OPCML: variants seen among roughly 807,000 people sequenced by gnomAD.
OPCML encodes opioid-binding protein/cell adhesion molecule.
Under a neutral mutation model 37.8 loss-of-function variants are expected in OPCML, and 13 were observed. The observed-to-expected ratio is 0.34, with a 90% confidence interval of 0.22 to 0.55. The LOEUF (loss-of-function observed/expected upper bound fraction) is 0.55. Among genes scored for constraint, OPCML ranks in the 20% least tolerant of loss-of-function variants. The pLI, the probability that OPCML is intolerant of heterozygous loss-of-function variation, is 0.91. For missense variants in OPCML, 341 were observed against 435.6 expected, an observed-to-expected ratio of 0.78 and a Z score of 1.93; for synonymous variants, 176 against 168.8, an observed-to-expected ratio of 1.04 and a Z score of -0.33.
At chr11:132,759,647 TC>T (rs1172480098) in intron 2 of OPCML, among the ~76,000 whole-genome samples, 4 of 152,088 alleles carry the variant, frequency 2.6e-5, no homozygotes, top group African/African-American at 9.7e-5. Flanking sequence ...AGTGGTGATA[TC>T]CCCTTTATCA....
At chr11:132,845,419 C>T (rs1451895125) in intron 2 of OPCML, among the ~76,000 whole-genome samples, 1 of 152,176 alleles carries the variant, frequency 6.6e-6, no homozygotes, top group Non-Finnish European at 1.5e-5. Context: ...AACTCAAATA[C>T]TCTTTAAAAA....
intron 1 of OPCML, among the ~76,000 whole-genome samples, chr11:133,434,771 T>C (rs1946196198): frequency 7.3e-6 from 1 of 137,698 alleles, no homozygotes; most frequent in African/African-American, 2.8e-5. Context: ...GTGATGGCTT[T>C]GGCCAGAAAA....
chr11:132,774,325 T>G (rs1946742305), intron 2 of OPCML, among the ~76,000 whole-genome samples: 1 of 152,242 alleles, frequency 6.6e-6, no homozygotes, highest in Non-Finnish European at 1.5e-5. Flanking sequence ...GCTAATGCAT[T>G]AAATCATATT....
At chr11:132,982,795 C>A (rs977269027) in intron 1 of OPCML, among the ~76,000 whole-genome samples, 1 of 152,180 alleles carries the variant, frequency 6.6e-6, no homozygotes, top group African/African-American at 2.4e-5. Flanking sequence ...TTTAAACAAT[C>A]AGCCTCACTC....
chr11:133,033,724 GA>G (rs1947714610), intron 1 of OPCML, among the ~76,000 whole-genome samples: 1 of 152,140 alleles, frequency 6.6e-6, no homozygotes, highest in South Asian at 2.1e-4. Flanking sequence ...CTATAAATGG[GA>G]ACACTGAGGC....
At chr11:133,280,305 A>T (rs1213252120) in intron 1 of OPCML, among the ~76,000 whole-genome samples, 1 of 152,228 alleles carries the variant, frequency 6.6e-6, no homozygotes, top group Non-Finnish European at 1.5e-5. Context: ...TATTTGTGGC[A>T]GTGTGAGAAT....
intron 1 of OPCML, among the ~76,000 whole-genome samples, chr11:133,288,917 G>A (rs529901035): frequency 3.9e-5 from 6 of 152,114 alleles, no homozygotes; most frequent in Non-Finnish European, 8.8e-5. Context: ...GGCATCTTGA[G>A]GGGATGATAA....
Position 132,461,867 on chromosome 11 carries a change from G to T in OPCML, c.506-24508C>A, listed in dbSNP as rs760013172. On this transcript the variant is annotated intron_variant, in intron 4 of 7. Coordinates refer to ENST00000524381, the MANE Select transcript of OPCML (RefSeq NM_001012393.5). ...CTTATAAAATCATCAGATCTCCTGA[G>T]AATTCACTCACTATCACGAGAACAG... 2.7e-4 allele frequency among the ~76,000 whole-genome samples: 41 copies of T among 152,232 alleles called. 1 individual carries two copies. In the Middle Eastern group the frequency reaches 0.014, roughly 51 times the overall value.
chr11:132,515,474 T>C (rs1342305209), intron 4 of OPCML, among the ~76,000 whole-genome samples: 1 of 152,104 alleles, frequency 6.6e-6, no homozygotes, highest in Non-Finnish European at 1.5e-5. Context: ...CCCCAGTCCT[T>C]GTTATTGTGT....
intron 1 of OPCML, among the ~76,000 whole-genome samples, chr11:133,041,027 T>C (rs1329211842): frequency 6.6e-6 from 1 of 152,192 alleles, no homozygotes; most frequent in Non-Finnish European, 1.5e-5. Flanking sequence ...TACTGCAAGT[T>C]AGCTGGAAAA....
At chr11:133,257,800 G>C (rs1941363023) in intron 1 of OPCML, among the ~76,000 whole-genome samples, 1 of 151,196 alleles carries the variant, frequency 6.6e-6, no homozygotes, top group African/African-American at 2.4e-5. Flanking sequence ...TCTAGTCTAT[G>C]CCAGATGCCC....
intron 1 of OPCML, among the ~76,000 whole-genome samples, chr11:132,994,427 G>A (rs985855634): frequency 5.9e-5 from 9 of 152,222 alleles, no homozygotes; most frequent in African/African-American, 1.9e-4. Context: ...CGGCCTCACC[G>A]GAGGAGCTGC....
At chr11:132,749,838 C>G (rs1018048714) in intron 2 of OPCML, among the ~76,000 whole-genome samples, 104 of 152,196 alleles carry the variant, frequency 6.8e-4, no homozygotes, top group African/African-American at 2.4e-3. Context: ...ATAGTGAAAC[C>G]TACTTTAACC....
At chr11:132,614,057 TAA>T (rs1938831766) in intron 3 of OPCML, among the ~76,000 whole-genome samples, 1 of 152,208 alleles carries the variant, frequency 6.6e-6, no homozygotes, top group South Asian at 2.1e-4. Flanking sequence ...TTGTATTCCA[TAA>T]CCATGCCCAA....
At chr11:132,885,478 T>C (rs1422922729) in intron 2 of OPCML, among the ~76,000 whole-genome samples, 1 of 152,200 alleles carries the variant, frequency 6.6e-6, no homozygotes, top group African/African-American at 2.4e-5. Flanking sequence ...CTACTTCACA[T>C]GACATCAATT....
At chr11:133,124,158 C>A (rs138694936) in intron 1 of OPCML, among the ~76,000 whole-genome samples, 2,221 of 131,938 alleles carry the variant, frequency 0.017, 50 homozygotes, top group African/African-American at 0.063. Context: ...TTAAGCCATA[C>A]CCTCAGGAAA....
rs60154725 is a variant in OPCML, at chr11:133,095,277, G to GTTTT, written c.62-152271_62-152268dup. Among the ~76,000 whole-genome samples, 48 of 44,246 alleles carry GTTTT rather than the reference G, an allele frequency of 1.1e-3. 8 individuals are homozygous for GTTTT. Among genetic ancestry groups the GTTTT allele is most frequent in the African/African-American group, 3.8e-3 (41 of 10,884 alleles). The allele number at this position is 44,246 out of a possible 152,430, so 29.0% of individuals were successfully genotyped here. ...AGACTAAGATGATTTTAATGTAAATGTTTTTTTTTTTTTTTTTTTTTTTTT... is the reference window on the plus strand; with the variant it reads ...AGACTAAGATGATTTTAATGTAAATGTTTTTTTTTTTTTTTTTTTTTTTTTTTTT... On this transcript the variant is annotated intron_variant, in intron 1 of 7. Coordinates refer to ENST00000524381, the MANE Select transcript of OPCML (RefSeq NM_001012393.5).
At chr11:132,421,335 C>T (rs2095958294) in intron 7 of OPCML, among the ~76,000 whole-genome samples, 1 of 152,150 alleles carries the variant, frequency 6.6e-6, no homozygotes, top group Admixed American at 6.5e-5. Context: ...AAAGGAGATT[C>T]AAAGGAGACA....
chr11:133,055,302 G>A (rs1948211549), intron 1 of OPCML, among the ~76,000 whole-genome samples: 1 of 149,576 alleles, frequency 6.7e-6, no homozygotes, highest in Admixed American at 6.6e-5. Context: ...ATACAATGCA[G>A]CCTCCATGAT....
Sources: allele counts gnomAD v4.1 joint callset (sites outside exome capture counted in the v4.1 genomes callset), GRCh38; gene constraint gnomAD v4.1.1; transcripts MANE v1.5; gene names NCBI Gene and HGNC (gene_info 2026-07-23, HGNC 2026-07-21).